Variants in LHFPL2 observed in about 807,000 individuals in gnomAD.
LHFPL2 encodes the protein LHFPL tetraspan subfamily member 2.
In LHFPL2, 7 loss-of-function variants were observed where a neutral mutation model predicts 17.5. The ratio of observed to expected loss-of-function variants is 0.40; its 90% CI spans 0.23 to 0.75. The LOEUF is 0.75. LHFPL2 is among the 30% of genes least tolerant of loss of function. LHFPL2 has a pLI of 0.37. For missense variants in LHFPL2, 241 were observed against 294.8 expected (o/e 0.82, Z 1.34); for synonymous variants, 134 against 116.2 (o/e 1.15, Z -0.99).
chr5:78,569,326 C>T (rs1345830756), intron 2 of LHFPL2, among the ~76,000 whole-genome samples: 13 of 152,106 alleles, frequency 8.5e-5, no homozygotes, highest in Non-Finnish European at 1.5e-4. Context: ...AATAATTGTC[C>T]AAATCCTACT....
At chr5:78,591,978 C>T (rs1308677842) in intron 2 of LHFPL2, among the ~76,000 whole-genome samples, 1 of 152,186 alleles carries the variant, frequency 6.6e-6, no homozygotes, top group Non-Finnish European at 1.5e-5. Flanking sequence ...ACAGAGCTGG[C>T]GCAGGAGGGC....
At chr5:78,644,761 T>G (rs1156645095) in intron 1 of LHFPL2, 5 of 234,990 alleles carry the variant, frequency 2.1e-5, no homozygotes, top group Non-Finnish European at 2.6e-5. Flanking sequence ...TCTGGGTGCT[T>G]CTTCTTGTGC....
At chr5:78,503,947 T>C (rs1280403744) in intron 4 of LHFPL2, among the ~76,000 whole-genome samples, 2 of 152,198 alleles carry the variant, frequency 1.3e-5, no homozygotes, top group African/African-American at 2.4e-5. Context: ...TCTCTGCACA[T>C]AGTAGGCATC....
chr5:78,581,286 C>T (rs1245956313), intron 2 of LHFPL2, among the ~76,000 whole-genome samples: 1 of 152,128 alleles, frequency 6.6e-6, no homozygotes, highest in Non-Finnish European at 1.5e-5. Context: ...CCTTTATTTC[C>T]TTCCCCTGCC....
chr5:78,620,898 G>A lies in LHFPL2; in HGVS notation c.-245+11366C>T, dbSNP rs182383362. Among the ~76,000 whole-genome samples the A allele has an allele frequency of 1.4e-4, 21 of 151,994 alleles. No homozygotes were observed. In the East Asian group the frequency reaches 2.5e-3, roughly 18 times the overall value. On this transcript the variant is annotated intron_variant, in intron 2 of 4. Coordinates refer to ENST00000380345, the MANE Select transcript of LHFPL2 (RefSeq NM_005779.3). ...TTTATGAGTTAAATGCACATATGCC[G>A]TGGCTCCAGTGAAATATCTCATTTT...
intron 3 of LHFPL2, among the ~76,000 whole-genome samples, chr5:78,549,852 G>A (rs193216564): frequency 9.5e-4 from 145 of 152,228 alleles, no homozygotes; most frequent in Non-Finnish European, 1.7e-3. Context: ...TCCTGAGTGG[G>A]GGTTATGACT....
intron 1 of LHFPL2, among the ~76,000 whole-genome samples, chr5:78,646,083 G>GAA (rs1745869028): frequency 1.3e-5 from 2 of 152,178 alleles, no homozygotes; most frequent in South Asian, 4.1e-4. Flanking sequence ...CCTAATACCT[G>GAA]AAGCTGCCAT....
chr5:78,499,244 A>G (rs1037349548), intron 4 of LHFPL2, among the ~76,000 whole-genome samples: 2 of 152,250 alleles, frequency 1.3e-5, no homozygotes, highest in African/African-American at 4.8e-5. Context: ...GGAAGTTTGT[A>G]AAGATGATTA....
At chr5:78,555,714 C>T (rs1010321630) in intron 3 of LHFPL2, among the ~76,000 whole-genome samples, 29 of 152,162 alleles carry the variant, frequency 1.9e-4, no homozygotes, top group Non-Finnish European at 5.9e-5. Flanking sequence ...GGGTCTGCAC[C>T]TGGAGGAGAG....
chr5:78,506,149 T>C (rs557164068), intron 4 of LHFPL2, among the ~76,000 whole-genome samples: 41 of 152,392 alleles, frequency 2.7e-4, no homozygotes, highest in Non-Finnish European at 5.4e-4. Context: ...GGGATTTCCA[T>C]TGAAGTAGCA....
chr5:78,580,958 A>C (rs1248909600), intron 2 of LHFPL2, among the ~76,000 whole-genome samples: 1 of 152,160 alleles, frequency 6.6e-6, no homozygotes, highest in African/African-American at 2.4e-5. Flanking sequence ...TTTTCACGAT[A>C]TTGATTCTTC....
intron 2 of LHFPL2, among the ~76,000 whole-genome samples, chr5:78,607,804 C>T (rs543673491): frequency 6.6e-6 from 1 of 152,104 alleles, no homozygotes; most frequent in Non-Finnish European, 1.5e-5. Context: ...TCCCCTAAGC[C>T]GAAGGTACCT....
chr5:78,529,460 A>C (rs1755714988), intron 3 of LHFPL2, among the ~76,000 whole-genome samples: 1 of 152,240 alleles, frequency 6.6e-6, no homozygotes, highest in African/African-American at 2.4e-5. Context: ...TGAAGCATGA[A>C]GCCACACATT....
intron 2 of LHFPL2, among the ~76,000 whole-genome samples, chr5:78,609,976 C>G (rs889273439): frequency 1.3e-5 from 2 of 152,122 alleles, no homozygotes; most frequent in Non-Finnish European, 2.9e-5. Flanking sequence ...AACTCCTGCC[C>G]TGGGCAGCAG....
intron 3 of LHFPL2, among the ~76,000 whole-genome samples, chr5:78,540,145 T>C (rs952243345): frequency 2.6e-5 from 4 of 152,218 alleles, no homozygotes; most frequent in Non-Finnish European, 5.9e-5. Flanking sequence ...AGCAATGTAA[T>C]CAACAAAATA....
intron 3 of LHFPL2, among the ~76,000 whole-genome samples, chr5:78,544,014 A>G (rs925020285): frequency 7.9e-5 from 12 of 152,176 alleles, no homozygotes; most frequent in Non-Finnish European, 1.8e-4. Flanking sequence ...CAGGCTGGCA[A>G]GCACTCTTCC....
intron 2 of LHFPL2, among the ~76,000 whole-genome samples, chr5:78,612,483 C>T (rs1041054405): frequency 6.6e-6 from 1 of 152,146 alleles, no homozygotes; most frequent in Admixed American, 6.5e-5. Context: ...TCAAAATAAC[C>T]CCATAAAGAG....
rs1221953698 is a variant in LHFPL2, at chr5:78,487,130, G to A, written c.*1767C>T. On this transcript the variant is annotated 3_prime_UTR_variant, in exon 5 of 5. Coordinates refer to ENST00000380345, the MANE Select transcript of LHFPL2 (RefSeq NM_005779.3). ...TCACTCACTTTGAATTTTGGTTCAG[G>A]AATGGGAAACTCATTAAGGCTAGTT... 2.6e-5 allele frequency: 4 copies of A among 152,124 alleles called. No homozygotes were observed. Among genetic ancestry groups the A allele is most frequent in the African/African-American group, 9.7e-5 (4 of 41,424 alleles). 9.4% of individuals were successfully genotyped at this position (152,124 alleles called of 1,614,324 possible). A position where few individuals can be genotyped will look rare whatever the true frequency, so the allele number is the denominator to read the frequency against.
chr5:78,497,364 C>G (rs1298722618), intron 4 of LHFPL2, among the ~76,000 whole-genome samples: 1 of 152,148 alleles, frequency 6.6e-6, no homozygotes, highest in Non-Finnish European at 1.5e-5. Flanking sequence ...TCCAGCATAC[C>G]CCGGCCTCTC....
Sources: gnomAD v4.1 joint callset for allele counts (sites outside exome capture counted in the v4.1 genomes callset) on GRCh38, gnomAD v4.1.1 for gene constraint, MANE v1.5 for transcripts, NCBI Gene and HGNC (gene_info 2026-07-23, HGNC 2026-07-21) for gene names.